ITGA11: variants seen among roughly 807,000 people sequenced by gnomAD.
ITGA11 encodes integrin alpha-11.
ITGA11 carries 97 observed loss-of-function variants against 141.9 expected under a neutral mutation model. The ratio of observed to expected loss-of-function variants is 0.68; its 90% CI spans 0.58 to 0.81. ITGA11 has a LOEUF of 0.81. ITGA11 is among the 30% of genes least tolerant of loss of function. The probability of loss-of-function intolerance (pLI) is 0.00; values close to 1 mark genes in which losing one functional copy is unlikely to be tolerated. For missense variants in ITGA11, 1,387 were observed against 1,559.2 expected, an observed-to-expected ratio of 0.89 and a Z score of 1.86; for synonymous variants, 658 against 624.6, an observed-to-expected ratio of 1.05 and a Z score of -0.80.
At chr15:68,313,712 C>G (rs528072535) in intron 23 of ITGA11, 67 bp downstream of exon 23, 37 of 1,253,692 alleles carry the variant, frequency 3.0e-5, no homozygotes, top group African/African-American at 1.5e-4. Flanking sequence ...AGGATGCCCC[C>G]CCTTAGGCCT....
At chr15:68,402,128 G>A (rs1396790192) in intron 2 of ITGA11, among the ~76,000 whole-genome samples, 5 of 152,186 alleles carry the variant, frequency 3.3e-5, no homozygotes, top group African/African-American at 1.2e-4. Context: ...CATTGATCAC[G>A]AGTGTTCATG....
intron 26 of ITGA11, among the ~76,000 whole-genome samples, chr15:68,310,098 T>G (rs186460212): frequency 1.3e-5 from 2 of 152,152 alleles, no homozygotes; most frequent in African/African-American, 2.4e-5. Context: ...AAAAATAAAT[T>G]CCTTTAAGTA....
rs748236993 is a variant in ITGA11, at chr15:68,332,089, T to G, written c.1567-27A>C. The G allele has an allele frequency of 5.8e-6, 9 of 1,556,392 alleles. No homozygotes were observed. In the South Asian group the frequency reaches 9.4e-5, roughly 16 times the overall value. ...TGCAAAACCAGGGGCAGAAAAAGGC[T>G]GGGGAGGGTTTGGCAAAAGTCCTCA... On this transcript the variant is annotated intron_variant, in intron 13 of 29. Coordinates refer to ENST00000315757, the MANE Select transcript of ITGA11 (RefSeq NM_001004439.2).
intron 10 of ITGA11, among the ~76,000 whole-genome samples, chr15:68,344,276 G>A (rs1209557591): frequency 2.0e-5 from 3 of 152,156 alleles, no homozygotes; most frequent in Non-Finnish European, 4.4e-5. Flanking sequence ...GGAGTCTATT[G>A]TTTAGGTCTA....
intron 2 of ITGA11, among the ~76,000 whole-genome samples, chr15:68,391,086 G>A (rs1896108901): frequency 1.3e-5 from 2 of 152,214 alleles, no homozygotes; most frequent in South Asian, 4.1e-4. Flanking sequence ...GATGGGGCCA[G>A]AAGAGGAAGC....
chr15:68,361,766 T>TG, intron 4 of ITGA11, 62 bp from the exon 5 acceptor site: 1 of 1,161,476 alleles, frequency 8.6e-7, no homozygotes, highest in Non-Finnish European at 1.3e-6. Context: ...CGAGGTCCAA[T>TG]GGCCTGAGGC....
intron 7 of ITGA11, 52 bp downstream of exon 7, chr15:68,357,099 A>G: frequency 6.5e-7 from 1 of 1,549,690 alleles, no homozygotes; most frequent in Admixed American, 1.8e-5. Flanking sequence ...ATAGATAACT[A>G]CAATAGCATC....
intron 2 of ITGA11, among the ~76,000 whole-genome samples, chr15:68,381,459 G>T (rs1403958656): frequency 1.3e-5 from 2 of 152,178 alleles, no homozygotes; most frequent in Non-Finnish European, 2.9e-5. Context: ...ATGCATGAAT[G>T]AATATTCTGG....
intron 19 of ITGA11, among the ~76,000 whole-genome samples, chr15:68,320,940 C>T (rs1227529801): frequency 2.6e-5 from 4 of 151,992 alleles, no homozygotes; most frequent in Non-Finnish European, 5.9e-5. Flanking sequence ...ATTATTTTCC[C>T]TTGTATGTTC....
intron 7 of ITGA11, among the ~76,000 whole-genome samples, chr15:68,352,386 T>G (rs2140334176): frequency 6.6e-6 from 1 of 151,974 alleles, no homozygotes; most frequent in South Asian, 2.1e-4. Context: ...AGAGACGGGG[T>G]TTTGCCATGT....
rs796734687 is a variant in ITGA11 at position 68,411,008 on chromosome 15, G to A, written c.53-7979C>T. On this transcript the variant is annotated intron_variant, in intron 1 of 29. Coordinates refer to ENST00000315757, the MANE Select transcript of ITGA11 (RefSeq NM_001004439.2). ...AGGCTGGTGGGGAGTGTGCGGTTCC[G>A]CCCCCATGGGCAGCTGCGTGGCCAA... Among the ~76,000 whole-genome samples, 14 of 152,288 alleles carry A rather than the reference G, an allele frequency of 9.2e-5. No individual in the cohort carries two copies. The South Asian group carries it at 1.2e-3, about 14-fold the overall frequency.
chr15:68,344,017 C>T (rs1170175160), intron 10 of ITGA11, among the ~76,000 whole-genome samples: 1 of 152,114 alleles, frequency 6.6e-6, no homozygotes, highest in East Asian at 1.9e-4. Flanking sequence ...GCTCATTCCC[C>T]ATCAGAGTTG....
chr15:68,365,703 C>CT (rs869301352), intron 3 of ITGA11, among the ~76,000 whole-genome samples: 13 of 91,882 alleles, frequency 1.4e-4, no homozygotes, highest in African/African-American at 3.5e-4. Flanking sequence ...TTTCTCTTTT[C>CT]TTTTTTTTTA....
At chr15:68,405,159 C>CTTTTTTTTTTTTTT (rs201537337) in intron 1 of ITGA11, among the ~76,000 whole-genome samples, 2 of 118,940 alleles carry the variant, frequency 1.7e-5, no homozygotes, top group African/African-American at 3.2e-5. Flanking sequence ...CACTGTCTCC[C>CTTTTTTTTTTTTTT]TTTTTTTTTT....
intron 2 of ITGA11, among the ~76,000 whole-genome samples, chr15:68,383,833 G>A (rs1172763438): frequency 3.9e-5 from 6 of 152,246 alleles, no homozygotes; most frequent in Admixed American, 3.9e-4. Flanking sequence ...AGAACAAATG[G>A]TGTTGGCTGC....
chr15:68,309,635 C>T (rs1893313245), intron 26 of ITGA11, among the ~76,000 whole-genome samples: 1 of 132,428 alleles, frequency 7.6e-6, no homozygotes, highest in Admixed American at 8.8e-5. Flanking sequence ...TGCTCTGTTG[C>T]CCAGGCTGGA....
rs192989972 is a variant in ITGA11 at position 68,306,751 on chromosome 15, C to T, written c.3381+597G>A. Among the ~76,000 whole-genome samples, 13 of 152,284 alleles carry T rather than the reference C, an allele frequency of 8.5e-5. No homozygotes were observed. The East Asian group carries it at 2.5e-3, about 29-fold the overall frequency. The stretch of plus-strand genomic sequence containing the variant: ...CCGCCTCTTTGCTCTCCAGCATCTC[C>T]CTGGGGTGGTGTTGGGAGCTTACTC... On this transcript the variant is annotated intron_variant, in intron 28 of 29. Coordinates refer to ENST00000315757, the MANE Select transcript of ITGA11 (RefSeq NM_001004439.2).
chr15:68,330,834 G>C, intron 15 of ITGA11, 147 bp downstream of exon 15: 1 of 833,098 alleles, frequency 1.2e-6, no homozygotes, highest in Non-Finnish European at 1.8e-6. Flanking sequence ...AAGGAAATGT[G>C]TAAGCAAGAT....
intron 20 of ITGA11, among the ~76,000 whole-genome samples, chr15:68,318,413 G>T (rs112336719): frequency 1.3e-5 from 2 of 152,140 alleles, no homozygotes; most frequent in African/African-American, 2.4e-5. Flanking sequence ...GATTCCCTCC[G>T]TATACCTGAA....
Sources: gnomAD v4.1 joint callset for allele counts (sites outside exome capture counted in the v4.1 genomes callset) on GRCh38, gnomAD v4.1.1 for gene constraint, MANE v1.5 for transcripts, NCBI Gene and HGNC (gene_info 2026-07-23, HGNC 2026-07-21) for gene names.